HCFC1R1: variants seen among roughly 807,000 people sequenced by gnomAD.
HCFC1R1 encodes the protein host cell factor C1 regulator 1.
Under a neutral mutation model 13.3 loss-of-function variants are expected in HCFC1R1, and 17 were observed. That is an observed-to-expected ratio of 1.28 (90% CI 0.87 to 1.91). The LOEUF is 1.91. HCFC1R1 is among the 40% of genes most tolerant of loss of function. The pLI, the probability that HCFC1R1 is intolerant of heterozygous loss-of-function variation, is 0.00. For missense variants in HCFC1R1, 218 were observed against 177.9 expected (o/e 1.23, Z -1.28); for synonymous variants, 87 against 71.1 (o/e 1.22, Z -1.12).
chr16:3,023,789 C>G, intron 1 of HCFC1R1, 58 bp downstream of exon 1: 1 of 1,337,274 alleles, frequency 7.5e-7, no homozygotes, highest in Non-Finnish European at 1.0e-6. Flanking sequence ...CAGTCCTGAG[C>G]ACCCAGCCAA....
At chr16:3,023,581 A>G (rs1444309360) in intron 1 of HCFC1R1, 51 bp from the exon 2 acceptor site, 3 of 1,511,672 alleles carry the variant, frequency 2.0e-6, no homozygotes, top group African/African-American at 1.4e-5. Context: ...CCCCTTCCCA[A>G]GGATCTGCCC....
upstream of HCFC1R1, chr16:3,024,267 A>C (rs1249185874): frequency 9.9e-6 from 16 of 1,608,740 alleles, no homozygotes; most frequent in Admixed American, 1.7e-5. Flanking sequence ...CGCTCTAGGC[A>C]CGTAAGGCCT....
intron 1 of HCFC1R1, 22 bp from the exon 2 acceptor site, chr16:3,023,552 G>A (rs1400028738): frequency 1.3e-6 from 2 of 1,562,186 alleles, no homozygotes; most frequent in Non-Finnish European, 1.7e-6. Flanking sequence ...AGAGAGCCTG[G>A]TGCACCCCAC....
At position 3,022,825 on chromosome 16, in the gene HCFC1R1, GGAA is replaced by G. The variant is rs1369837083; in HGVS notation, c.*35_*37del. On this transcript the variant is annotated 3_prime_UTR_variant, in exon 4 of 4. Coordinates refer to ENST00000248089, the MANE Select transcript of HCFC1R1 (RefSeq NM_017885.4). ...GAGTCGCTGGTCTCTTCTGTTGTGG[GGAA>G]GAAGGAAGGTGGGAGGGGCACTGTC... 6.1e-6 allele frequency: 9 copies of G among 1,472,622 alleles called. No individual in the cohort carries two copies. Among genetic ancestry groups the G allele is most frequent in the Non-Finnish European group, 8.0e-6 (9 of 1,118,688 alleles). The allele number at this position is 1,472,622 out of a possible 1,614,324, so 91.2% of individuals were successfully genotyped here. A position where few individuals can be genotyped will look rare whatever the true frequency, so the allele number is the denominator to read the frequency against.
At chr16:3,024,205 T>C (rs941124894), upstream of HCFC1R1, 10 of 1,265,442 alleles carry the variant, frequency 7.9e-6, no homozygotes, top group Middle Eastern at 9.5e-4. Context: ...TTCGGGACGG[T>C]ACGCACCAGC....
At position 3,022,697 on chromosome 16, in the gene HCFC1R1, C is replaced by T. The variant is rs1433910447; in HGVS notation, c.*166G>A. On this transcript the variant is annotated 3_prime_UTR_variant, in exon 4 of 4. Coordinates refer to ENST00000248089, the MANE Select transcript of HCFC1R1 (RefSeq NM_017885.4). The stretch of plus-strand genomic sequence containing the variant: ...CCTCCCTTCCCATGCTCCCACCCCT[C>T]CCATCCCAGAACTCCGTTGGGCTCA... 3.9e-6 allele frequency: 2 copies of T among 514,572 alleles called. No homozygotes were observed. Among genetic ancestry groups the T allele is most frequent in the South Asian group, 4.0e-5 (1 of 25,112 alleles). 31.9% of individuals were successfully genotyped at this position (514,572 alleles called of 1,614,324 possible).
intron 1 of HCFC1R1, 155 bp downstream of exon 1, chr16:3,023,692 T>G: frequency 9.5e-7 from 1 of 1,056,016 alleles, no homozygotes; most frequent in Non-Finnish European, 1.4e-6. Flanking sequence ...ACCTCGGAAG[T>G]CTCGACCCTC....
Position 3,023,233 on chromosome 16 carries a change from C to A in HCFC1R1, c.281G>T (p.Arg94Met). 6.5e-7 allele frequency: 1 copy of A among 1,547,912 alleles called. No homozygotes were observed. Among genetic ancestry groups the A allele is most frequent in the Middle Eastern group, 1.8e-4 (1 of 5,674 alleles). The change falls in exon 3 of 4, where the codon AGG becomes ATG. Residue 94 changes from arginine to methionine, a missense_variant and splice_region_variant. Physicochemically the swap from Arg to Met is moderately conservative, Grantham distance 91. Transcript: ENST00000248089. ...AGGCCTGGCCAGTGGAGGAACCTAC[C>A]TGAGTGGGGGCAGGGCTGGGGAGAA... is the stretch of plus-strand genomic sequence containing the variant. Reference protein sequence around the residue: ...MTFSPALPPLRSPCSELLLWR... With the variant: ...MTFSPALPPLMSPCSELLLWR...
intron 3 of HCFC1R1, 59 bp from the exon 4 acceptor site, chr16:3,023,057 C>T (rs1436082467): frequency 1.3e-6 from 2 of 1,566,640 alleles, no homozygotes; most frequent in African/African-American, 2.8e-5. Flanking sequence ...TGAGCACCTC[C>T]CACCAGGTCC....
At chr16:3,023,409 C>T in intron 2 of HCFC1R1, 48 bp from the exon 3 acceptor site, 4 of 1,613,678 alleles carry the variant, frequency 2.5e-6, no homozygotes, top group Non-Finnish European at 3.4e-6. Context: ...ACACAGGAGG[C>T]AGCCTGTTGG....
chr16:3,023,660 C>A (rs2072686859), intron 1 of HCFC1R1, 130 bp from the exon 2 acceptor site: 3 of 1,181,900 alleles, frequency 2.5e-6, no homozygotes, highest in South Asian at 3.0e-5. Context: ...GGTCCCCGCT[C>A]TCCTGGACCA....
chr16:3,023,316 G>GGTGGCC lies in HCFC1R1; in HGVS notation c.192_197dup (p.Ala65_Thr66dup). ...TGTGCAGGCTGAGTTGAGAGAAGTG[G>GGTGGCC]GTGGCCATGTTCTCCTCAGACAGAA... On this transcript the variant is annotated inframe_insertion, in exon 3 of 4. Transcript: ENST00000248089. 6.2e-7 allele frequency: 1 copy of GGTGGCC among 1,600,476 alleles called. No individual in the cohort carries two copies.
chr16:3,023,210 G>T (rs2072660538), intron 3 of HCFC1R1, 23 bp downstream of exon 3: 2 of 1,541,026 alleles, frequency 1.3e-6, no homozygotes, highest in South Asian at 1.3e-5. Flanking sequence ...TCTGCAGAAG[G>T]CCTGGCCAGT....
Position 3,023,007 on chromosome 16 carries a change from G to C in HCFC1R1, c.282-9C>G. 1.3e-6 allele frequency: 2 copies of C among 1,596,412 alleles called. No homozygotes were observed. The highest frequency in any genetic ancestry group is 2.3e-5 in the East Asian group (1 of 43,582). On this transcript the variant is annotated splice_polypyrimidine_tract_variant and intron_variant, in intron 3 of 3. Transcript: ENST00000248089. Reference sequence around the variant, plus strand: ...GCTCAGAGCAAGGGCTCCTAGAAGAGGAAATGACTGTCAGGGCATGGAGCT... The same window carrying C: ...GCTCAGAGCAAGGGCTCCTAGAAGACGAAATGACTGTCAGGGCATGGAGCT...
chr16:3,022,724 T>G lies in HCFC1R1; in HGVS notation c.*139A>C. 4.4e-6 allele frequency: 3 copies of G among 678,878 alleles called. No homozygotes were observed. The highest frequency in any genetic ancestry group is 4.5e-6 in the Non-Finnish European group (2 of 443,956). The allele number at this position is 678,878 out of a possible 1,614,324, so 42.1% of individuals were successfully genotyped here. ...CATCCCAGAACTCCGTTGGGCTCAG[T>G]GTCCTCTGTTGAGGGAAGGTCTTGG... On this transcript the variant is annotated 3_prime_UTR_variant, in exon 4 of 4. Transcript: ENST00000248089.
At chr16:3,023,675 G>A (rs2151130722) in intron 1 of HCFC1R1, 145 bp from the exon 2 acceptor site, 1 of 1,118,566 alleles carries the variant, frequency 8.9e-7, no homozygotes, top group East Asian at 2.6e-5. Context: ...GGACCATCCA[G>A]CAGGGTACCT....
rs1296059553 is a variant in HCFC1R1, at chr16:3,023,879, G to A, written c.63C>T (p.Ala21=). The change falls in exon 1 of 4, where the codon GCC becomes GCT. Residue 21 remains alanine (A), a synonymous_variant. Transcript: ENST00000248089. ...CCAGGCCCCAAGTCACCCCCAAGGC[G>A]GCCCGCGGGAGGCGCTGGGCCCCTC... The part of the protein sequence containing the change: ...PQGGAQRLPR[A]ALGVTWGLDA... 3.1e-5 allele frequency: 48 copies of A among 1,553,528 alleles called. No homozygotes were observed. Among genetic ancestry groups the A allele is most frequent in the Non-Finnish European group, 4.0e-5 (46 of 1,154,268 alleles).
chr16:3,024,074 C>G, upstream of HCFC1R1: 3 of 800,782 alleles, frequency 3.7e-6, no homozygotes, highest in South Asian at 3.6e-5. Flanking sequence ...AGACGGGCGG[C>G]GCGTGGCGGA....
rs780440098 is a variant in HCFC1R1 at position 3,023,282 on chromosome 16, G to A, written c.232C>T (p.Pro78Ser). 78 of 1,586,046 alleles carry A rather than the reference G, an allele frequency of 4.9e-5. No homozygotes were observed. Among genetic ancestry groups the A allele is most frequent in the Non-Finnish European group, 6.5e-5 (76 of 1,163,416 alleles). ...FSQLSLHNDH[P>S]YCSPPMTFSP... is the part of the protein sequence containing the mutation. ...AAGGTCATGGGGGGGCTGCAGTAGG[G>A]GTGGTCATTGTGCAGGCTGAGTTGA... The change falls in exon 3 of 4, where the codon CCC becomes TCC. Residue 78 changes from proline to serine, a missense_variant. Transcript: ENST00000248089.
Sources: allele counts gnomAD v4.1 joint callset, GRCh38; gene constraint gnomAD v4.1.1; transcripts MANE v1.5; gene names NCBI Gene and HGNC (gene_info 2026-07-23, HGNC 2026-07-21).